PRXL2C: variants seen among roughly 807,000 people sequenced by gnomAD.
PRXL2C encodes the protein peroxiredoxin-like 2C.
PRXL2C carries 38 observed loss-of-function variants against 24.9 expected under a neutral mutation model. That is an observed-to-expected ratio of 1.53 (90% CI 1.18 to 2.00). The LOEUF (loss-of-function observed/expected upper bound fraction) is 2.00. PRXL2C is among the 30% of genes most tolerant of loss of function. The pLI is 0.00. For synonymous variants in PRXL2C, 98 were observed against 117.2 expected, an observed-to-expected ratio of 0.84 and a Z score of 1.06; for missense variants, 294 against 290.9, an observed-to-expected ratio of 1.01 and a Z score of -0.08.
Position 96,639,658 on chromosome 9 carries a change from T to A in PRXL2C, c.*2101A>T, listed in dbSNP as rs1848089869. 6.6e-6 allele frequency: 1 copy of A among 152,142 alleles called. No individual in the cohort carries two copies. The highest frequency in any genetic ancestry group is 2.4e-5 in the African/African-American group (1 of 41,434). 9.4% of individuals were successfully genotyped at this position (152,142 alleles called of 1,614,324 possible). A position where few individuals can be genotyped will look rare whatever the true frequency, so the allele number is the denominator to read the frequency against. On this transcript the variant is annotated 3_prime_UTR_variant, in exon 6 of 6. Transcript: ENST00000375234. ...TATTCAAATATTTGAATACATTAGT[T>A]TTTTTTGTAACTTTATATGCTTCAT... is the stretch of plus-strand genomic sequence containing the variant.
rs999930838 is a variant in PRXL2C at position 96,641,284 on chromosome 9, G to A, written c.*475C>T. 1.3e-5 allele frequency: 2 copies of A among 152,132 alleles called. No homozygotes were observed. Among genetic ancestry groups the A allele is most frequent in the African/African-American group, 2.4e-5 (1 of 41,416 alleles). The allele number at this position is 152,132 out of a possible 1,614,324, so 9.4% of individuals were successfully genotyped here. A position where few individuals can be genotyped will look rare whatever the true frequency, so the allele number is the denominator to read the frequency against. ...GGCAACATTTTGGTGTTTATTTCCTGTCTTTTTCCAAAGCATACAAAAATA... is the reference window on the plus strand; with the variant it reads ...GGCAACATTTTGGTGTTTATTTCCTATCTTTTTCCAAAGCATACAAAAATA... On this transcript the variant is annotated 3_prime_UTR_variant, in exon 6 of 6. Transcript: ENST00000375234.
Position 96,645,949 on chromosome 9 carries a change from A to G in PRXL2C, c.497T>C (p.Leu166Pro). 6.2e-7 allele frequency: 1 copy of G among 1,613,818 alleles called. No individual in the cohort carries two copies. Among genetic ancestry groups the G allele is most frequent in the South Asian group, 1.1e-5 (1 of 91,040 alleles). The change falls in exon 5 of 6, where the codon CTC (leucine) becomes CCC (proline). Residue 166 changes from leucine (L) to proline (P), a missense_variant. Physicochemically the swap from Leu to Pro is moderately conservative, Grantham distance 98 (BLOSUM62 -3). Transcript: ENST00000375234. The stretch of plus-strand genomic sequence containing the variant: ...AGCTGGGTCTCCTTGAAAATCAAAG[A>G]GAGGGCCAGTCACTGCCCGCCACAG... ...QSLWRAVTGP[L>P]FDFQGDPAQQ...
Position 96,641,012 on chromosome 9 carries a change from A to G in PRXL2C, c.*747T>C, listed in dbSNP as rs1233155206. The G allele has an allele frequency of 6.6e-6, 1 of 152,102 alleles. No individual in the cohort carries two copies. The highest frequency in any genetic ancestry group is 1.9e-4 in the East Asian group (1 of 5,188). 9.4% of individuals were successfully genotyped at this position (152,102 alleles called of 1,614,324 possible). A position where few individuals can be genotyped will look rare whatever the true frequency, so the allele number is the denominator to read the frequency against. ...TGAGAAGGTGCTGTGGACACTGGCTATATGTGAAATGTTCGGATTGCCACA... is the reference window on the plus strand; with the variant it reads ...TGAGAAGGTGCTGTGGACACTGGCTGTATGTGAAATGTTCGGATTGCCACA... On this transcript the variant is annotated 3_prime_UTR_variant, in exon 6 of 6. Coordinates refer to ENST00000375234, the MANE Select transcript of PRXL2C (RefSeq NM_153698.2).
At chr9:96,649,995 C>A (rs954844368) in intron 4 of PRXL2C, among the ~76,000 whole-genome samples, 1 of 152,208 alleles carries the variant, frequency 6.6e-6, no homozygotes, top group African/African-American at 2.4e-5. Flanking sequence ...TGCTTTTGCA[C>A]ATGCTACTTT....
At chr9:96,653,181 C>G (rs890568931) in intron 2 of PRXL2C, among the ~76,000 whole-genome samples, 1 of 150,798 alleles carries the variant, frequency 6.6e-6, no homozygotes, top group African/African-American at 2.4e-5. Flanking sequence ...GAGCTGAGAT[C>G]GCGCCACTGC....
intron 4 of PRXL2C, among the ~76,000 whole-genome samples, chr9:96,649,210 C>T (rs1380914510): frequency 6.6e-6 from 1 of 152,044 alleles, no homozygotes; most frequent in Non-Finnish European, 1.5e-5. Context: ...AACAAGCAGA[C>T]TCTATGTTTA....
intron 2 of PRXL2C, among the ~76,000 whole-genome samples, chr9:96,652,133 G>GA (rs1189511741): frequency 6.6e-6 from 1 of 152,216 alleles, no homozygotes; most frequent in Admixed American, 6.5e-5. Flanking sequence ...CAGATTGAGA[G>GA]AAAATATCTG....
intron 2 of PRXL2C, among the ~76,000 whole-genome samples, chr9:96,654,107 T>G (rs1006000810): frequency 1.3e-5 from 2 of 152,236 alleles, no homozygotes; most frequent in African/African-American, 4.8e-5. Context: ...CCCAAAGTGC[T>G]GGGATTACAG....
At chr9:96,642,440 T>A (rs544669786) in intron 5 of PRXL2C, among the ~76,000 whole-genome samples, 3 of 152,226 alleles carry the variant, frequency 2.0e-5, no homozygotes, top group Non-Finnish European at 4.4e-5. Flanking sequence ...ATACAGATTT[T>A]ATAATTTATA....
intron 2 of PRXL2C, 39 bp from the exon 3 acceptor site, chr9:96,651,751 A>G (rs1564410174): frequency 6.5e-7 from 1 of 1,527,284 alleles, no homozygotes; most frequent in Non-Finnish European, 9.0e-7. Flanking sequence ...ATCATTAGAA[A>G]TTATGCATGT....
At chr9:96,652,302 C>T (rs749464538) in intron 2 of PRXL2C, among the ~76,000 whole-genome samples, 12 of 152,056 alleles carry the variant, frequency 7.9e-5, no homozygotes, top group Admixed American at 2.0e-4. Flanking sequence ...AGGTGGATCA[C>T]CTGAGGTCAG....
Position 96,641,711 on chromosome 9 carries a change from G to T in PRXL2C, c.*48C>A. ...GAGGATATTACACCCAGGCATTGAA[G>T]GTCACATTCCAGAAGGTCCAGTTGA... On this transcript the variant is annotated 3_prime_UTR_variant, in exon 6 of 6. Coordinates refer to ENST00000375234, the MANE Select transcript of PRXL2C (RefSeq NM_153698.2). 6.6e-7 allele frequency: 1 copy of T among 1,507,360 alleles called. No homozygotes were observed. Among genetic ancestry groups the T allele is most frequent in the Non-Finnish European group, 9.0e-7 (1 of 1,110,818 alleles). 93.4% of individuals were successfully genotyped at this position (1,507,360 alleles called of 1,614,324 possible).
At chr9:96,643,828 C>A (rs1738526581) in intron 5 of PRXL2C, among the ~76,000 whole-genome samples, 1 of 151,910 alleles carries the variant, frequency 6.6e-6, no homozygotes, top group Admixed American at 6.6e-5. Flanking sequence ...TCAGTCAAAA[C>A]CCTCCTTCTA....
intron 5 of PRXL2C, among the ~76,000 whole-genome samples, chr9:96,642,696 C>A (rs1023681640): frequency 6.6e-6 from 1 of 152,060 alleles, no homozygotes; most frequent in Non-Finnish European, 1.5e-5. Flanking sequence ...CAGGCTTGCA[C>A]CACCACGCCC....
In PRXL2C at chr9:96,641,668, G is replaced by T; in HGVS notation, c.*91C>A. 1 of 1,297,572 alleles carries T rather than the reference G, an allele frequency of 7.7e-7. No homozygotes were observed. Among genetic ancestry groups the T allele is most frequent in the Non-Finnish European group, 1.0e-6 (1 of 985,046 alleles). 80.4% of individuals were successfully genotyped at this position (1,297,572 alleles called of 1,614,324 possible). A position where few individuals can be genotyped will look rare whatever the true frequency, so the allele number is the denominator to read the frequency against. On this transcript the variant is annotated 3_prime_UTR_variant, in exon 6 of 6. Coordinates refer to ENST00000375234, the MANE Select transcript of PRXL2C (RefSeq NM_153698.2). ...ACTCCTCAAAGGCTGGGAAGGGACAGCAGGTTAGACACTGCACGAGGATAT... is the reference window on the plus strand; with the variant it reads ...ACTCCTCAAAGGCTGGGAAGGGACATCAGGTTAGACACTGCACGAGGATAT...
intron 5 of PRXL2C, among the ~76,000 whole-genome samples, chr9:96,642,866 G>C (rs947891515): frequency 2.0e-5 from 3 of 152,104 alleles, no homozygotes; most frequent in Non-Finnish European, 2.9e-5. Context: ...TCTAAGCACA[G>C]CTGGTCTTCT....
chr9:96,645,967 C>T lies in PRXL2C; in HGVS notation c.479G>A (p.Arg160Gln), dbSNP rs376163555. The T allele has an allele frequency of 3.0e-5, 49 of 1,613,656 alleles. No homozygotes were observed. The Middle Eastern group carries it at 2.0e-3, about 66-fold the overall frequency. Residue 160 changes from arginine (R) to glutamine (Q), a missense_variant, in exon 5 of 6, where the codon CGG (arginine) becomes CAG (glutamine). Transcript: ENST00000375234. ...ATCAAAGAGAGGGCCAGTCACTGCC[C>T]GCCACAGGCTCTGAAGGCTTCCTGA... ...LLSGSLQSLWRAVTGPLFDFQ... is the reference protein window; with the variant it reads ...LLSGSLQSLWQAVTGPLFDFQ...
intron 2 of PRXL2C, among the ~76,000 whole-genome samples, chr9:96,653,422 T>C (rs1848301932): frequency 6.6e-6 from 1 of 152,156 alleles, no homozygotes; most frequent in African/African-American, 2.4e-5. Flanking sequence ...GTAATGATGG[T>C]TACCAGAGAC....
chr9:96,643,732 G>C (rs746712607), intron 5 of PRXL2C, among the ~76,000 whole-genome samples: 1 of 152,080 alleles, frequency 6.6e-6, no homozygotes, highest in Non-Finnish European at 1.5e-5. Flanking sequence ...TTTTTATAAC[G>C]AATCTGTTAT....
Sources: gnomAD v4.1 joint callset for allele counts (sites outside exome capture counted in the v4.1 genomes callset) on GRCh38, gnomAD v4.1.1 for gene constraint, MANE v1.5 for transcripts, NCBI Gene and HGNC (gene_info 2026-07-23, HGNC 2026-07-21) for gene names.